Variants in CACNB2 observed in about 807,000 individuals in gnomAD.
CACNB2 encodes the protein voltage-dependent L-type calcium channel subunit beta-2.
In CACNB2, 42 loss-of-function variants were observed where a neutral mutation model predicts 73.3. The observed-to-expected ratio is 0.57, with a 90% confidence interval of 0.45 to 0.74. CACNB2 has a LOEUF of 0.74. Among genes scored for constraint, CACNB2 ranks in the 30% least tolerant of loss-of-function variants. The pLI is 0.00. For synonymous variants in CACNB2, 348 were observed against 310.3 expected (o/e 1.12, Z -1.28); for missense variants, 940 against 853.0 (o/e 1.10, Z -1.27).
At chr10:18,449,481 C>T (rs1223555611) in intron 3 of CACNB2, among the ~76,000 whole-genome samples, 2 of 152,200 alleles carry the variant, frequency 1.3e-5, no homozygotes, top group Non-Finnish European at 2.9e-5. Flanking sequence ...TGTGATGAAG[C>T]TGAATTTCTC....
chr10:18,304,512 C>T (rs944639022), intron 2 of CACNB2, among the ~76,000 whole-genome samples: 2 of 135,204 alleles, frequency 1.5e-5, no homozygotes, highest in African/African-American at 5.2e-5. Context: ...TGCTCTTTTT[C>T]ACTCCATTTT....
chr10:18,481,217 T>C (rs1589486793), intron 3 of CACNB2, among the ~76,000 whole-genome samples: 1 of 13,492 alleles, frequency 7.4e-5, no homozygotes, highest in Admixed American at 9.8e-4. Context: ...TATATATATA[T>C]ATATATATAT....
chr10:18,397,106 T>C (rs1270573891), intron 2 of CACNB2, among the ~76,000 whole-genome samples: 1 of 152,224 alleles, frequency 6.6e-6, no homozygotes, highest in Non-Finnish European at 1.5e-5. Context: ...GCTGAAAATA[T>C]AGATGACTGT....
intron 2 of CACNB2, among the ~76,000 whole-genome samples, chr10:18,279,296 C>T (rs931938557): frequency 6.6e-6 from 1 of 152,168 alleles, no homozygotes. Flanking sequence ...CCAATGATCA[C>T]AGTCAGTAAG....
At chr10:18,499,437 G>GA (rs375841202) in intron 4 of CACNB2, among the ~76,000 whole-genome samples, 243 of 151,918 alleles carry the variant, frequency 1.6e-3, no homozygotes, top group Admixed American at 3.8e-3. Context: ...CCAACATGGT[G>GA]AACCCCGTCT....
chr10:18,161,175 A>G (rs779446768), intron 2 of CACNB2, among the ~76,000 whole-genome samples: 25 of 152,152 alleles, frequency 1.6e-4, no homozygotes, highest in Non-Finnish European at 2.8e-4. Flanking sequence ...AAATGTAGTA[A>G]AAGTTCTTCA....
intron 2 of CACNB2, among the ~76,000 whole-genome samples, chr10:18,220,199 G>GTA: frequency 5.9e-5 from 1 of 16,948 alleles, no homozygotes; most frequent in South Asian, 2.8e-3. Context: ...ATATATGTGT[G>GTA]TGTATATATA....
chr10:18,157,622 G>T (rs371671163), intron 2 of CACNB2, among the ~76,000 whole-genome samples: 6 of 152,282 alleles, frequency 3.9e-5, no homozygotes, highest in East Asian at 1.9e-4. Flanking sequence ...AGAAATGGAG[G>T]CTCAGAGGTG....
intron 2 of CACNB2, among the ~76,000 whole-genome samples, chr10:18,247,812 A>G (rs1394333378): frequency 1.3e-5 from 2 of 152,164 alleles, no homozygotes; most frequent in African/African-American, 2.4e-5. Flanking sequence ...ATCTGTGAGG[A>G]CCACCTTTTC....
intron 3 of CACNB2, among the ~76,000 whole-genome samples, chr10:18,413,101 G>T (rs1043917577): frequency 6.6e-6 from 1 of 152,202 alleles, no homozygotes; most frequent in Non-Finnish European, 1.5e-5. Flanking sequence ...CTTCCAAGTA[G>T]CTGGGATTAC....
chr10:18,144,981 G>C (rs2130998867), intron 1 of CACNB2, among the ~76,000 whole-genome samples: 1 of 152,322 alleles, frequency 6.6e-6, no homozygotes, highest in Non-Finnish European at 1.5e-5. Flanking sequence ...GGTAACAGAA[G>C]AGGAAACGGA....
chr10:18,163,617 T>C (rs2032634505), intron 2 of CACNB2, among the ~76,000 whole-genome samples: 2 of 152,204 alleles, frequency 1.3e-5, no homozygotes, highest in African/African-American at 2.4e-5. Flanking sequence ...CTGTTTCGTA[T>C]TGAGCATATA....
intron 1 of CACNB2, chr10:18,141,082 G>T: frequency 6.5e-7 from 1 of 1,548,680 alleles, no homozygotes; most frequent in South Asian, 1.2e-5. Context: ...AAAGCCAGTG[G>T]GGAAGGGCGG....
At chr10:18,304,518 A>AT (rs11450137) in intron 2 of CACNB2, among the ~76,000 whole-genome samples, 55,239 of 151,192 alleles carry the variant, frequency 0.37, 10,789 homozygotes, top group Non-Finnish European at 0.44. Context: ...TTTTCACTCC[A>AT]TTTTTTTTTC....
At chr10:18,502,375 C>A (rs1317724911) in intron 5 of CACNB2, among the ~76,000 whole-genome samples, 1 of 151,122 alleles carries the variant, frequency 6.6e-6, no homozygotes, top group Non-Finnish European at 1.5e-5. Context: ...TTATCCCAAG[C>A]AAACTAACAC....
intron 9 of CACNB2, chr10:18,519,889 G>A: frequency 2.7e-6 from 1 of 368,298 alleles, no homozygotes; most frequent in Non-Finnish European, 5.3e-6. Flanking sequence ...ACTTGACCAT[G>A]AGCAGTAGTT....
intron 3 of CACNB2, among the ~76,000 whole-genome samples, chr10:18,496,330 A>G (rs1310374641): frequency 6.6e-6 from 1 of 152,110 alleles, no homozygotes; most frequent in African/African-American, 2.4e-5. Flanking sequence ...TAGTAACATC[A>G]GGGATCTTAA....
At chr10:18,502,034 C>T (rs888596847) in intron 5 of CACNB2, among the ~76,000 whole-genome samples, 1 of 152,216 alleles carries the variant, frequency 6.6e-6, no homozygotes, top group Admixed American at 6.5e-5. Flanking sequence ...ATTGGCCGGG[C>T]ATGGTGGCTC....
At chr10:18,434,329 G>A (rs912799482) in intron 3 of CACNB2, among the ~76,000 whole-genome samples, 1 of 152,050 alleles carries the variant, frequency 6.6e-6, no homozygotes, top group East Asian at 1.9e-4. Flanking sequence ...AGGGAATTAG[G>A]AATGTACAAA....
Sources: gnomAD v4.1 joint callset for allele counts (sites outside exome capture counted in the v4.1 genomes callset) on GRCh38, gnomAD v4.1.1 for gene constraint, MANE v1.5 for transcripts, NCBI Gene and HGNC (gene_info 2026-07-23, HGNC 2026-07-21) for gene names.